The following ZC3H12B variants were observed in gnomAD, a reference collection of about 807,000 sequenced individuals.
The protein encoded by ZC3H12B is zinc finger CCCH-type containing 12B.
Under a neutral mutation model 43.9 loss-of-function variants are expected in ZC3H12B, and 7 were observed. That is an observed-to-expected ratio of 0.16 (90% confidence interval 0.09 to 0.30). ZC3H12B has a LOEUF of 0.30. ZC3H12B is among the 10% of genes least tolerant of loss of function. ZC3H12B has a pLI of 1.00. For missense variants in ZC3H12B, 475 were observed against 670.2 expected (o/e 0.71, Z 3.22); for synonymous variants, 222 against 241.7 (o/e 0.92, Z 0.76).
In ZC3H12B at chrX:65,496,424, T is replaced by A. The variant is rs759699543; in HGVS notation, c.609-708T>A. The stretch of plus-strand genomic sequence containing the variant: ...ACCTCTGGTAATACCTTTACTTTTT[T>A]AATTTTTTGTGAATATCTCAATCTT... On this transcript the variant is annotated intron_variant, in intron 1 of 4. Coordinates refer to ENST00000338957, the Ensembl canonical transcript of ZC3H12B. Among the ~76,000 whole-genome samples the A allele has an allele frequency of 1.3e-4, 14 of 111,987 alleles. No homozygotes were observed. In the East Asian group the frequency reaches 3.1e-3, roughly 25 times the overall value.
the ZC3H12B span, among the ~76,000 whole-genome samples, chrX:65,053,396 T>C: frequency 2.7e-5 from 3 of 110,882 alleles, no homozygotes; most frequent in East Asian, 8.6e-4. Flanking sequence ...CTGAGAATGA[T>C]GGTTTCCAGC....
At chrX:65,049,115 G>A in the ZC3H12B span, among the ~76,000 whole-genome samples, 9 of 110,798 alleles carry the variant, frequency 8.1e-5, no homozygotes, top group South Asian at 7.4e-4. Flanking sequence ...CTCCCATTCC[G>A]TGGGTTTCCT....
chrX:65,180,828 A>G, the ZC3H12B span, among the ~76,000 whole-genome samples: 1 of 112,022 alleles, frequency 8.9e-6, no homozygotes, highest in East Asian at 2.8e-4. Context: ...CATAGTAATC[A>G]AAGTAATTTA....
chrX:65,405,395 G>A (rs773192868), intron 3 of ZC3H12B, among the ~76,000 whole-genome samples: 25 of 112,239 alleles, frequency 2.2e-4, no homozygotes, highest in Non-Finnish European at 3.2e-4. Flanking sequence ...CGAGGCAGGC[G>A]GATCAATTCA....
chrX:65,187,628 C>T, the ZC3H12B span, among the ~76,000 whole-genome samples: 4 of 109,197 alleles, frequency 3.7e-5, no homozygotes, highest in African/African-American at 1.3e-4. Context: ...TTGCACCAGC[C>T]CAACCTAAAT....
intron 3 of ZC3H12B, among the ~76,000 whole-genome samples, chrX:65,460,648 C>A (rs758153461): frequency 1.8e-5 from 2 of 111,947 alleles, no homozygotes; most frequent in African/African-American, 6.5e-5. Context: ...GGAAAACTGG[C>A]TAGCCATATG....
chrX:65,055,035 G>A, the ZC3H12B span, among the ~76,000 whole-genome samples: 32 of 111,415 alleles, frequency 2.9e-4, no homozygotes, highest in Non-Finnish European at 2.6e-4. Context: ...CTGCAAACAG[G>A]GACAATTTAA....
the ZC3H12B span, among the ~76,000 whole-genome samples, chrX:65,170,361 C>T: frequency 1.8e-5 from 2 of 111,655 alleles, no homozygotes; most frequent in Admixed American, 9.6e-5. Context: ...GAATATTTGC[C>T]CCCACTGTCT....
chrX:65,071,118 T>A, the ZC3H12B span, among the ~76,000 whole-genome samples: 1 of 110,153 alleles, frequency 9.1e-6, no homozygotes, highest in Non-Finnish European at 1.9e-5. Context: ...GAACTTATTT[T>A]ATGAATGCGA....
At chrX:65,104,534 A>G in the ZC3H12B span, among the ~76,000 whole-genome samples, 1 of 112,150 alleles carries the variant, frequency 8.9e-6, no homozygotes, top group African/African-American at 3.2e-5. Flanking sequence ...TTTGATATCC[A>G]AAATCTACAA....
At chrX:65,419,890 G>A (rs2066999625) in intron 3 of ZC3H12B, among the ~76,000 whole-genome samples, 1 of 111,341 alleles carries the variant, frequency 9.0e-6, no homozygotes, top group African/African-American at 3.3e-5. Flanking sequence ...GTAGTCTCAG[G>A]CTTCAGTGGA....
intron 3 of ZC3H12B, among the ~76,000 whole-genome samples, chrX:65,407,708 C>T (rs2148060668): frequency 8.8e-6 from 1 of 113,768 alleles, no homozygotes; most frequent in South Asian, 3.5e-4. Context: ...CGCGGATCCC[C>T]GAGGGGAGTG....
At chrX:65,243,039 G>A in the ZC3H12B span, among the ~76,000 whole-genome samples, 1 of 111,576 alleles carries the variant, frequency 9.0e-6, no homozygotes, top group African/African-American at 3.3e-5. Context: ...AAAACACTGG[G>A]GCAATTCCCC....
the ZC3H12B span, among the ~76,000 whole-genome samples, chrX:65,048,475 C>G: frequency 9.0e-6 from 1 of 111,242 alleles, no homozygotes; most frequent in Non-Finnish European, 1.9e-5. Context: ...TTTTAATTTT[C>G]TGAGGAACCT....
intron 2 of ZC3H12B, among the ~76,000 whole-genome samples, chrX:65,388,648 A>G: frequency 8.9e-6 from 1 of 111,757 alleles, no homozygotes; most frequent in East Asian, 2.8e-4. Flanking sequence ...AACTCGTCAA[A>G]GTCATTCTCC....
chrX:65,063,656 A>C, the ZC3H12B span, among the ~76,000 whole-genome samples: 1 of 112,021 alleles, frequency 8.9e-6, no homozygotes, highest in Non-Finnish European at 1.9e-5. Context: ...TGGTATCAGG[A>C]TGATGTTGGC....
chrX:65,037,967 A>G, the ZC3H12B span, among the ~76,000 whole-genome samples: 10 of 111,183 alleles, frequency 9.0e-5, no homozygotes, highest in Non-Finnish European at 1.5e-4. Context: ...TTAAACTGCA[A>G]TTACAAACCT....
chrX:65,196,575 A>G, the ZC3H12B span, among the ~76,000 whole-genome samples: 14 of 111,981 alleles, frequency 1.3e-4, no homozygotes, highest in African/African-American at 4.5e-4. Flanking sequence ...GGTTCCCAGA[A>G]GAAGGACCAC....
chrX:65,138,950 C>T, the ZC3H12B span, among the ~76,000 whole-genome samples: 1 of 111,848 alleles, frequency 8.9e-6, no homozygotes, highest in East Asian at 2.8e-4. Flanking sequence ...GTTTGTTTTA[C>T]CATTGAGTAG....
Sources: gnomAD v4.1 joint callset for allele counts (sites outside exome capture counted in the v4.1 genomes callset) on GRCh38, gnomAD v4.1.1 for gene constraint, MANE v1.5 for transcripts, NCBI Gene and HGNC (gene_info 2026-07-23, HGNC 2026-07-21) for gene names.